The following HMGCLL1 variants were observed in gnomAD, a reference collection of about 807,000 sequenced individuals.
The protein encoded by HMGCLL1 is 3-hydroxymethyl-3-methylglutaryl-CoA lyase, cytoplasmic.
HMGCLL1 carries 36 observed loss-of-function variants against 39.1 expected under a neutral mutation model. The observed-to-expected ratio is 0.92, with a 90% CI of 0.71 to 1.22. HMGCLL1 has a LOEUF of 1.22. Ranked by LOEUF, HMGCLL1 falls within the 50% of genes most tolerant of loss-of-function variation. The pLI, the probability that HMGCLL1 is intolerant of heterozygous loss-of-function variation, is 0.00. For missense variants in HMGCLL1, 451 were observed against 416.5 expected (o/e 1.08, Z -0.72); for synonymous variants, 149 against 144.0 (o/e 1.03, Z -0.25).
At chr6:55,459,719 A>C (rs1370845382) in intron 7 of HMGCLL1, among the ~76,000 whole-genome samples, 1 of 152,086 alleles carries the variant, frequency 6.6e-6, no homozygotes, top group African/African-American at 2.4e-5. Context: ...ATTGAGATGT[A>C]TAAATCAGAT....
chr6:55,515,744 C>T (rs181718823), intron 4 of HMGCLL1, among the ~76,000 whole-genome samples: 25 of 151,954 alleles, frequency 1.6e-4, no homozygotes, highest in African/African-American at 2.9e-4. Flanking sequence ...TTTTAAACAA[C>T]GCAATAAAAA....
chr6:55,490,128 G>A lies in HMGCLL1; in HGVS notation c.795+5291C>T, dbSNP rs186512017. Among the ~76,000 whole-genome samples the A allele has an allele frequency of 1.8e-4, 27 of 152,140 alleles. No homozygotes were observed. The East Asian group carries it at 5.2e-3, about 29-fold the overall frequency. ...TACTTCCCTGTGTATATCTGCACTC[G>A]AAGACTCTGCCTATGACCTTTTCAG... On this transcript the variant is annotated intron_variant, in intron 7 of 8. Coordinates refer to ENST00000274901, the MANE Select transcript of HMGCLL1 (RefSeq NM_001042406.2).
chr6:55,575,743 T>C (rs1342688925), intron 1 of HMGCLL1, among the ~76,000 whole-genome samples: 1 of 151,178 alleles, frequency 6.6e-6, no homozygotes, highest in African/African-American at 2.4e-5. Flanking sequence ...TAAACTACTA[T>C]GAGGTCCTAT....
At chr6:55,488,036 C>T (rs748718708) in intron 7 of HMGCLL1, among the ~76,000 whole-genome samples, 20 of 151,954 alleles carry the variant, frequency 1.3e-4, no homozygotes, top group Non-Finnish European at 2.8e-4. Context: ...TACATACATA[C>T]ACACACACAT....
At chr6:55,630,818 A>G in the HMGCLL1 span, among the ~76,000 whole-genome samples, 2 of 152,044 alleles carry the variant, frequency 1.3e-5, no homozygotes, top group East Asian at 1.9e-4. Flanking sequence ...GCCTTCTGCT[A>G]TGATTGTGAG....
rs576928962 is a variant in HMGCLL1, at chr6:55,495,174, C to G, written c.795+245G>C. 4.3e-4 allele frequency among the ~76,000 whole-genome samples: 66 copies of G among 152,222 alleles called. No individual in the cohort carries two copies. In the South Asian group the frequency reaches 0.014, roughly 32 times the overall value. ...AGACATAACTCTGCTAAGATTAATA[C>G]TTTTCAAAAGAATAGATTACAGATT... On this transcript the variant is annotated intron_variant, in intron 7 of 8. Coordinates refer to ENST00000274901, the MANE Select transcript of HMGCLL1 (RefSeq NM_001042406.2).
chr6:55,531,669 A>G (rs1037570820), intron 3 of HMGCLL1, among the ~76,000 whole-genome samples: 4 of 152,144 alleles, frequency 2.6e-5, no homozygotes, highest in African/African-American at 9.7e-5. Flanking sequence ...GAAGGTGAGC[A>G]GCAGGAGAGC....
intron 5 of HMGCLL1, among the ~76,000 whole-genome samples, chr6:55,499,794 TCA>T (rs2127426802): frequency 6.6e-6 from 1 of 152,134 alleles, no homozygotes; most frequent in South Asian, 2.1e-4. Flanking sequence ...GGGCATAGCC[TCA>T]GAGTTCATTT....
At chr6:55,653,907 G>A in the HMGCLL1 span, among the ~76,000 whole-genome samples, 1 of 151,890 alleles carries the variant, frequency 6.6e-6, no homozygotes, top group Non-Finnish European at 1.5e-5. Context: ...CTTAAAAACA[G>A]TTTGAAGAAA....
Position 55,578,878 on chromosome 6 carries a change from G to T in HMGCLL1, c.108+70C>A. On this transcript the variant is annotated intron_variant, in intron 1 of 8. Coordinates refer to ENST00000274901, the MANE Select transcript of HMGCLL1 (RefSeq NM_001042406.2). ...CATAAAGGGAGGAGGGCACCAAGAG[G>T]TTGCAGGGAGAGAGGCTGGCTGTCA... The T allele has an allele frequency of 4.4e-6, 5 of 1,134,856 alleles. 1 individual carries two copies. The highest frequency in any genetic ancestry group is 6.6e-6 in the Non-Finnish European group (5 of 762,126). The allele number at this position is 1,134,856 out of a possible 1,614,324, so 70.3% of individuals were successfully genotyped here.
intron 3 of HMGCLL1, among the ~76,000 whole-genome samples, chr6:55,517,734 T>C (rs1767819397): frequency 6.6e-6 from 1 of 152,100 alleles, no homozygotes; most frequent in Admixed American, 6.6e-5. Context: ...ACATTCATCT[T>C]GTCAACTCTC....
chr6:55,624,835 T>C, the HMGCLL1 span, among the ~76,000 whole-genome samples: 21 of 152,268 alleles, frequency 1.4e-4, no homozygotes, highest in South Asian at 4.3e-3. Context: ...CAATGCCTAG[T>C]GGGCTTATTT....
the HMGCLL1 span, among the ~76,000 whole-genome samples, chr6:55,618,148 T>C: frequency 6.6e-6 from 1 of 151,908 alleles, no homozygotes; most frequent in African/African-American, 2.4e-5. Flanking sequence ...ATAATAAAAA[T>C]CAGGATAATG....
chr6:55,555,402 T>C (rs1488741680), intron 1 of HMGCLL1, among the ~76,000 whole-genome samples: 1 of 152,192 alleles, frequency 6.6e-6, no homozygotes, highest in Admixed American at 6.6e-5. Context: ...CTCCCCTTAC[T>C]CTTTATTATG....
chr6:55,471,496 A>C (rs532922793), intron 7 of HMGCLL1, among the ~76,000 whole-genome samples: 1 of 151,894 alleles, frequency 6.6e-6, no homozygotes, highest in East Asian at 1.9e-4. Context: ...AGTTTCTGTA[A>C]GTCTACATCT....
chr6:55,490,953 ACTTTGTTCAT>A (rs1248562813), intron 7 of HMGCLL1, among the ~76,000 whole-genome samples: 1 of 152,070 alleles, frequency 6.6e-6, no homozygotes, highest in African/African-American at 2.4e-5. Flanking sequence ...ATATAAAGGC[ACTTTGTTCAT>A]CTTTGTTCAT....
chr6:55,619,385 A>G, the HMGCLL1 span, among the ~76,000 whole-genome samples: 23 of 152,148 alleles, frequency 1.5e-4, no homozygotes, highest in African/African-American at 5.1e-4. Context: ...CAGAGTTAAT[A>G]AGACTACTGA....
At chr6:55,455,136 A>C (rs907688777) in intron 7 of HMGCLL1, among the ~76,000 whole-genome samples, 3 of 152,000 alleles carry the variant, frequency 2.0e-5, no homozygotes, top group African/African-American at 7.2e-5. Context: ...AAAGTATAGA[A>C]TATTTTATGA....
the HMGCLL1 span, among the ~76,000 whole-genome samples, chr6:55,654,992 C>A: frequency 6.6e-6 from 1 of 151,898 alleles, no homozygotes; most frequent in Admixed American, 6.6e-5. Flanking sequence ...GTGAATTTCT[C>A]TTGCACCTAC....
Sources: allele counts gnomAD v4.1 joint callset (sites outside exome capture counted in the v4.1 genomes callset), GRCh38; gene constraint gnomAD v4.1.1; transcripts MANE v1.5; gene names NCBI Gene and HGNC (gene_info 2026-07-23, HGNC 2026-07-21).